The following OGT variants were observed in gnomAD, a reference collection of about 807,000 sequenced individuals.
OGT encodes UDP-N-acetylglucosamine--peptide N-acetylglucosaminyltransferase 110 kDa subunit.
Under a neutral mutation model 75.8 loss-of-function variants are expected in OGT, and 3 were observed. That is an observed-to-expected ratio of 0.04 (90% CI 0.02 to 0.10). The LOEUF is 0.10. Ranked by LOEUF, OGT falls within the 10% of genes least tolerant of loss-of-function variation. The probability of loss-of-function intolerance (pLI) is 1.00; values close to 1 mark genes in which losing one functional copy is unlikely to be tolerated. For missense variants in OGT, 260 were observed against 824.4 expected (o/e 0.32, Z 8.38); for synonymous variants, 257 against 289.7 (o/e 0.89, Z 1.15).
In OGT at chrX:71,574,722, T is replaced by C. The variant is rs2040483173; in HGVS notation, c.*928T>C. 9.3e-6 allele frequency: 1 copy of C among 107,296 alleles called. No homozygotes were observed. Among genetic ancestry groups the C allele is most frequent in the Non-Finnish European group, 1.9e-5 (1 of 52,028 alleles). 8.8% of individuals were successfully genotyped at this position (107,296 alleles called of 1,213,427 possible). A position where few individuals can be genotyped will look rare whatever the true frequency, so the allele number is the denominator to read the frequency against. On this transcript the variant is annotated 3_prime_UTR_variant, in exon 22 of 22. Transcript: ENST00000373719. ...TCTATGCTGCTTCCAAAAGTGATAG[T>C]GTGTGTAAGATTTTTACCTTCCTTT...
chrX:71,563,282 T>G (rs1233194750), intron 17 of OGT, 36 bp downstream of exon 17: 1 of 1,196,941 alleles, frequency 8.4e-7, no homozygotes, highest in Non-Finnish European at 1.1e-6. Context: ...TGAAATAAAG[T>G]TAACTGCATT....
Position 71,554,495 on chromosome X carries a change from CTG to C in OGT, c.649-16_649-15del, listed in dbSNP as rs778222188. 4.3e-6 allele frequency: 5 copies of C among 1,159,060 alleles called. No homozygotes were observed. In the African/African-American group the frequency reaches 8.9e-5, roughly 21 times the overall value. On this transcript the variant is annotated splice_polypyrimidine_tract_variant and intron_variant, in intron 5 of 21. Transcript: ENST00000373719. ...ATCCTAACTTGCTCTGAGTAACTAA[CTG>C]TCTTGAAATTTTTAGGCTGTCACCC...
At chrX:71,535,181 T>C (rs1448899007) in intron 1 of OGT, among the ~76,000 whole-genome samples, 1 of 110,032 alleles carries the variant, frequency 9.1e-6, no homozygotes, top group Admixed American at 9.7e-5. Context: ...TAAAGATCTT[T>C]ATGTATCTGG....
Position 71,567,730 on chromosome X carries a change from G to A in OGT, c.2820G>A (p.Gly940=), listed in dbSNP as rs752170366. ...CAGGGATGGATGTCCTCTGGGCAGG[G>A]ACCCCCATGGTGACTATGCCAGGTA... is the stretch of plus-strand genomic sequence containing the variant. The part of the protein sequence containing the change: ...HTTGMDVLWA[G]TPMVTMPGET... Residue 940 remains glycine (G), a synonymous_variant, in exon 20 of 22, where the codon GGG becomes GGA. Coordinates refer to ENST00000373719, the MANE Select transcript of OGT (RefSeq NM_181672.3). 3.4e-6 allele frequency: 4 copies of A among 1,193,568 alleles called. No individual in the cohort carries two copies. In the East Asian group the frequency reaches 9.0e-5, roughly 27 times the overall value.
At chrX:71,556,144 G>A (rs750452655) in intron 8 of OGT, 50 bp downstream of exon 8, 3 of 1,145,352 alleles carry the variant, frequency 2.6e-6, no homozygotes, top group South Asian at 4.0e-5. Context: ...TAGAGGGAAA[G>A]CAGTTAAGTT....
At chrX:71,540,046 AAAAT>A (rs1388361764) in intron 3 of OGT, among the ~76,000 whole-genome samples, 1 of 112,600 alleles carries the variant, frequency 8.9e-6, no homozygotes, top group Non-Finnish European at 1.9e-5. Flanking sequence ...AGATAGTACT[AAAAT>A]AAATCATGGG....
At chrX:71,564,142 C>T (rs2040402043) in intron 18 of OGT, among the ~76,000 whole-genome samples, 1 of 111,706 alleles carries the variant, frequency 9.0e-6, no homozygotes, top group South Asian at 3.7e-4. Flanking sequence ...TGTCCTTGCA[C>T]ACCTGGAATA....
chrX:71,562,256 G>C (rs1426589502), intron 15 of OGT, among the ~76,000 whole-genome samples: 1 of 112,679 alleles, frequency 8.9e-6, no homozygotes, highest in Non-Finnish European at 1.9e-5. Context: ...TTGAAACCAG[G>C]AGTTTGAGTC....
chrX:71,567,509 C>A lies in OGT; in HGVS notation c.2599C>A (p.Arg867Ser). Residue 867 changes from arginine to serine, a missense_variant, in exon 20 of 22, where the codon CGT becomes AGT. Arg to Ser is a moderately radical substitution (Grantham distance 110). Coordinates refer to ENST00000373719, the MANE Select transcript of OGT (RefSeq NM_181672.3). ...ATTTTCCCTATTTTAGATTCTGAAG[C>A]GTGTTCCCAATAGTGTACTCTGGCT... ...TLQMWANILK[R>S]VPNSVLWLLR... 8.8e-7 allele frequency: 1 copy of A among 1,132,071 alleles called. No individual in the cohort carries two copies. Among genetic ancestry groups the A allele is most frequent in the Admixed American group, 2.6e-5 (1 of 38,977 alleles). The allele number at this position is 1,132,071 out of a possible 1,213,427, so 93.3% of individuals were successfully genotyped here.
chrX:71,569,880 T>C (rs1300231112), intron 21 of OGT, among the ~76,000 whole-genome samples: 3 of 87,228 alleles, frequency 3.4e-5, no homozygotes, highest in Non-Finnish European at 4.5e-5. Context: ...GGACTACAGG[T>C]GCACGCCACC....
chrX:71,544,479 C>T (rs955461573), intron 3 of OGT, 88 bp from the exon 4 acceptor site: 10 of 826,665 alleles, frequency 1.2e-5, no homozygotes, highest in Admixed American at 1.1e-4. Flanking sequence ...AATAAAATGG[C>T]AGGGAGCTAG....
At chrX:71,536,059 T>A in intron 1 of OGT, 119 bp from the exon 2 acceptor site, 1 of 561,698 alleles carries the variant, frequency 1.8e-6, no homozygotes, top group Non-Finnish European at 2.8e-6. Flanking sequence ...GTGCTTTACA[T>A]AGTTTCAAGC....
intron 19 of OGT, among the ~76,000 whole-genome samples, chrX:71,566,929 G>C (rs2040420518): frequency 8.9e-6 from 1 of 112,498 alleles, no homozygotes; most frequent in Non-Finnish European, 1.9e-5. Flanking sequence ...TCAGGAGTTG[G>C]CAAACTATGA....
rs1281269551 is a variant in OGT at position 71,574,469 on chromosome X, C to T, written c.*675C>T. On this transcript the variant is annotated 3_prime_UTR_variant, in exon 22 of 22. Transcript: ENST00000373719. ...CCATTTCCTTTTCTTCCCTGACCCC[C>T]ATACCCTCACCCTTAAAATTCTCCT... 9.0e-6 allele frequency: 1 copy of T among 110,641 alleles called. No homozygotes were observed. Among genetic ancestry groups the T allele is most frequent in the East Asian group, 2.8e-4 (1 of 3,558 alleles). 9.1% of individuals were successfully genotyped at this position (110,641 alleles called of 1,213,427 possible).
chrX:71,533,453 T>C (rs1007851591), intron 1 of OGT, 117 bp downstream of exon 1: 5 of 681,587 alleles, frequency 7.3e-6, no homozygotes, highest in Admixed American at 5.5e-5. Context: ...TCAGTGACAT[T>C]GCTAAGCTTT....
rs772196628 is a variant in OGT, at chrX:71,563,510, A to G, written c.2436+11A>G. The G allele has an allele frequency of 8.7e-7, 1 of 1,155,505 alleles. No individual in the cohort carries two copies. Among genetic ancestry groups the G allele is most frequent in the Admixed American group, 2.4e-5 (1 of 42,460 alleles). ...CTGGCAACTACTCAGGTGAGAAGAT[A>G]ATAATACACCATTATATGTCCCGCC... On this transcript the variant is annotated intron_variant, in intron 18 of 21. Coordinates refer to ENST00000373719, the MANE Select transcript of OGT (RefSeq NM_181672.3).
At chrX:71,557,916 TC>T (rs1200143569) in intron 12 of OGT, among the ~76,000 whole-genome samples, 1 of 111,466 alleles carries the variant, frequency 9.0e-6, no homozygotes, top group African/African-American at 3.3e-5. Context: ...ATGGTACTTT[TC>T]TTTAAGTTGA....
intron 3 of OGT, 99 bp downstream of exon 3, chrX:71,538,171 A>C: frequency 2.1e-6 from 2 of 974,966 alleles, no homozygotes; most frequent in Non-Finnish European, 1.4e-6. Context: ...CATGGAATAA[A>C]GTCAAAAGTT....
intron 3 of OGT, among the ~76,000 whole-genome samples, chrX:71,542,971 C>T (rs1602139866): frequency 9.0e-6 from 1 of 111,468 alleles, no homozygotes. Context: ...GACAACCTTA[C>T]TCTCTAGAAC....
Sources: allele counts gnomAD v4.1 joint callset (sites outside exome capture counted in the v4.1 genomes callset), GRCh38; gene constraint gnomAD v4.1.1; transcripts MANE v1.5; gene names NCBI Gene and HGNC (gene_info 2026-07-23, HGNC 2026-07-21).